Variants in CC2D2A observed in about 807,000 individuals in gnomAD.
CC2D2A encodes coiled-coil and C2 domain-containing protein 2A.
In CC2D2A, 155 loss-of-function variants were observed where a neutral mutation model predicts 212.9. The observed-to-expected ratio is 0.73, with a 90% CI of 0.64 to 0.83. CC2D2A has a LOEUF of 0.83. CC2D2A is among the 40% of genes least tolerant of loss of function. CC2D2A has a pLI of 0.00. For synonymous variants in CC2D2A, 667 were observed against 686.5 expected, an observed-to-expected ratio of 0.97 and a Z score of 0.44; for missense variants, 1,856 against 1,956.2, an observed-to-expected ratio of 0.95 and a Z score of 0.97.
At chr4:15,588,823 G>A (rs973237985) in intron 32 of CC2D2A, among the ~76,000 whole-genome samples, 2 of 152,046 alleles carry the variant, frequency 1.3e-5, no homozygotes, top group Admixed American at 6.5e-5. Context: ...TTTCTGCCCC[G>A]CCTTCCCCAG....
rs559543410 is a variant in CC2D2A at position 15,520,046 on chromosome 4, C to T, written c.1149+3290C>T. ...TGAATAGAGAAAACACAGGCCCAGG[C>T]GGATTCTGAGTACAGTCCTGCTGTC... On this transcript the variant is annotated intron_variant, in intron 11 of 36. Coordinates refer to ENST00000424120, the MANE Select transcript of CC2D2A (RefSeq NM_001378615.1). Among the ~76,000 whole-genome samples, 69 of 152,248 alleles carry T rather than the reference C, an allele frequency of 4.5e-4. No homozygotes were observed. The South Asian group carries it at 5.4e-3, about 12-fold the overall frequency.
chr4:15,514,424 AGATTTGTTGG>A (rs1277998366), intron 8 of CC2D2A, among the ~76,000 whole-genome samples: 1 of 152,240 alleles, frequency 6.6e-6, no homozygotes. Context: ...ATAGGAGGCC[AGATTTGTTGG>A]GATTTTGATT....
intron 8 of CC2D2A, 132 bp from the exon 9 acceptor site, chr4:15,514,575 T>C (rs1380142200): frequency 2.7e-6 from 2 of 729,070 alleles, no homozygotes; most frequent in Non-Finnish European, 2.0e-6. Context: ...GTTCTATGCT[T>C]TCACTTTTTT....
intron 14 of CC2D2A, 101 bp from the exon 15 acceptor site, chr4:15,536,819 A>G: frequency 2.8e-6 from 3 of 1,075,746 alleles, no homozygotes; most frequent in Non-Finnish European, 4.0e-6. Context: ...TTTTTAGAAG[A>G]GGAACTGGCA....
At chr4:15,484,828 A>G (rs1481212276) in intron 4 of CC2D2A, among the ~76,000 whole-genome samples, 1 of 152,118 alleles carries the variant, frequency 6.6e-6, no homozygotes, top group Non-Finnish European at 1.5e-5. Flanking sequence ...CCAAGTGGAC[A>G]TGGATGTATG....
Position 15,550,176 on chromosome 4 carries a change from G to A in CC2D2A, c.2182-648G>A, listed in dbSNP as rs79581760. 9.3e-3 allele frequency among the ~76,000 whole-genome samples: 1,418 copies of A among 152,264 alleles called. 21 individuals carry two copies. The highest frequency in any genetic ancestry group is 0.032 in the African/African-American group (1,347 of 41,544). ...TCTTAAACGATGGTTGCCCTGCAAT[G>A]GGGCCCTTCACCTCATGGTGATGGC... On this transcript the variant is annotated intron_variant, in intron 17 of 36. Coordinates refer to ENST00000424120, the MANE Select transcript of CC2D2A (RefSeq NM_001378615.1).
rs144307205 is a variant in CC2D2A at position 15,513,006 on chromosome 4, A to C, written c.717+1583A>C. Among the ~76,000 whole-genome samples the C allele has an allele frequency of 2.4e-3, 358 of 152,134 alleles. 2 individuals carry two copies. The highest frequency in any genetic ancestry group is 4.3e-3 in the Non-Finnish European group (292 of 67,998). On this transcript the variant is annotated intron_variant, in intron 8 of 36. Coordinates refer to ENST00000424120, the MANE Select transcript of CC2D2A (RefSeq NM_001378615.1). The stretch of plus-strand genomic sequence containing the variant: ...CTTCATGTTATATATATTTTACCAC[A>C]TTAAAAATAAGGAAAACACACTAGG...
At chr4:15,526,847 C>G (rs1040019534) in intron 11 of CC2D2A, among the ~76,000 whole-genome samples, 3 of 152,154 alleles carry the variant, frequency 2.0e-5, no homozygotes, top group Non-Finnish European at 2.9e-5. Context: ...CCAAGACATT[C>G]CTATTGGAGA....
chr4:15,578,808 G>GTTT (rs1361685948), intron 29 of CC2D2A, among the ~76,000 whole-genome samples: 2 of 90,750 alleles, frequency 2.2e-5, no homozygotes, highest in South Asian at 3.7e-4. Context: ...TTGTTTGTTT[G>GTTT]TTTGTTTGTT....
At chr4:15,472,674 A>G (rs1156890541) in intron 1 of CC2D2A, among the ~76,000 whole-genome samples, 1 of 147,906 alleles carries the variant, frequency 6.8e-6, no homozygotes, top group African/African-American at 2.5e-5. Flanking sequence ...GTTTGCAATG[A>G]CCAGAGTTGT....
chr4:15,508,637 T>C (rs1315685203), intron 6 of CC2D2A, among the ~76,000 whole-genome samples: 1 of 152,216 alleles, frequency 6.6e-6, no homozygotes, highest in African/African-American at 2.4e-5. Context: ...GTGCCTGATA[T>C]GAATCAGACA....
intron 20 of CC2D2A, 27 bp from the exon 21 acceptor site, chr4:15,557,277 G>C (rs1274181974): frequency 6.5e-7 from 1 of 1,539,660 alleles, no homozygotes; most frequent in Non-Finnish European, 8.9e-7. Flanking sequence ...CTGTCATCTG[G>C]AGTTTTGCAT....
At chr4:15,560,472 GA>G in intron 22 of CC2D2A, 58 bp from the exon 23 acceptor site, 1 of 853,874 alleles carries the variant, frequency 1.2e-6, no homozygotes, top group Non-Finnish European at 1.9e-6. Flanking sequence ...TTAGAGTGTG[GA>G]GAGTGAACTA....
intron 23 of CC2D2A, among the ~76,000 whole-genome samples, chr4:15,562,555 C>A (rs143491804): frequency 6.6e-6 from 1 of 152,300 alleles, no homozygotes; most frequent in East Asian, 1.9e-4. Context: ...CCTCCCTATA[C>A]CTCCTCCTCT....
intron 6 of CC2D2A, 75 bp from the exon 7 acceptor site, chr4:15,510,064 G>A (rs1286101789): frequency 2.7e-6 from 3 of 1,121,154 alleles, no homozygotes; most frequent in Non-Finnish European, 4.0e-6. Flanking sequence ...GGATGGGGGG[G>A]TTAACCTTCA....
In CC2D2A at chr4:15,527,530, A is replaced by C; in HGVS notation, c.1233A>C (p.Ser411=). ...ATTTCCAACTGGACATTGATATTTC[A>C]GGGTTAATCTTCACTCATCATCCCT... The part of the protein sequence containing the change: ...PGNFQLDIDI[S]GLIFTHHPCF... The change falls in exon 12 of 37, where the codon TCA becomes TCC. Residue 411 remains serine, a synonymous_variant. Transcript: ENST00000424120. 6.2e-7 allele frequency: 1 copy of C among 1,613,520 alleles called. No homozygotes were observed. Among genetic ancestry groups the C allele is most frequent in the South Asian group, 1.1e-5 (1 of 90,922 alleles).
chr4:15,553,412 G>A (rs553105885), intron 19 of CC2D2A, 107 bp downstream of exon 19: 3 of 1,269,410 alleles, frequency 2.4e-6, no homozygotes, highest in African/African-American at 1.5e-5. Context: ...TTATTGTCAG[G>A]TGCCAGTATT....
At chr4:15,591,846 T>G (rs1185343095) in intron 33 of CC2D2A, among the ~76,000 whole-genome samples, 1 of 152,156 alleles carries the variant, frequency 6.6e-6, no homozygotes, top group Non-Finnish European at 1.5e-5. Flanking sequence ...CTCAAAACAA[T>G]TACTATATGG....
intron 4 of CC2D2A, among the ~76,000 whole-genome samples, chr4:15,496,175 G>T (rs555622176): frequency 2.0e-5 from 3 of 152,216 alleles, no homozygotes; most frequent in Non-Finnish European, 4.4e-5. Context: ...CTCCCATTCT[G>T]TAGGTTGTCT....
Sources: gnomAD v4.1 joint callset for allele counts (sites outside exome capture counted in the v4.1 genomes callset) on GRCh38, gnomAD v4.1.1 for gene constraint, MANE v1.5 for transcripts, NCBI Gene and HGNC (gene_info 2026-07-23, HGNC 2026-07-21) for gene names.